PLXNA1: variants seen among roughly 807,000 people sequenced by gnomAD.
PLXNA1 encodes plexin A1.
Under a neutral mutation model 191.7 loss-of-function variants are expected in PLXNA1, and 77 were observed. The observed-to-expected ratio is 0.40, with a 90% CI of 0.33 to 0.49. The LOEUF (loss-of-function observed/expected upper bound fraction) is 0.49, where lower values mean the gene tolerates loss of function less well. Ranked by LOEUF, PLXNA1 falls within the 20% of genes least tolerant of loss-of-function variation. PLXNA1 has a pLI of 0.63. For synonymous variants in PLXNA1, 1,137 were observed against 1,156.4 expected, an observed-to-expected ratio of 0.98 and a Z score of 0.34; for missense variants, 2,110 against 2,660.2, an observed-to-expected ratio of 0.79 and a Z score of 4.55.
At position 127,016,612 on chromosome 3, in the gene PLXNA1, A is replaced by G. The variant is rs199506043; in HGVS notation, c.3110A>G (p.Asn1037Ser). Residue 1037 changes from asparagine (N) to serine (S), a missense_variant, in exon 16 of 32, where the codon AAC (asparagine) becomes AGC (serine). Asn to Ser is a conservative substitution (Grantham distance 46, BLOSUM62 1). Around this residue, in one of 4 missense-constraint regions of PLXNA1, gnomAD observed 644 missense variants for 714.3 expected, o/e 0.90. Transcript: ENST00000393409. Reference sequence around the variant, plus strand: ...AACATCAACCGCGCCCAGCTCACCAACCCTGAGGTGAAGTACAACTACACC... The same window carrying G: ...AACATCAACCGCGCCCAGCTCACCAGCCCTGAGGTGAAGTACAACTACACC... ...IININRAQLT[N>S]PEVKYNYTED... is the part of the protein sequence containing the mutation. 2.6e-5 allele frequency: 42 copies of G among 1,613,942 alleles called. No individual in the cohort carries two copies. The highest frequency in any genetic ancestry group is 1.7e-4 in the Middle Eastern group (1 of 6,058).
chr3:126,997,968 C>T (rs536452209), intron 3 of PLXNA1, among the ~76,000 whole-genome samples: 5 of 152,330 alleles, frequency 3.3e-5, no homozygotes, highest in Middle Eastern at 3.4e-3. Flanking sequence ...ACCGGGCAGT[C>T]GCCTTCCCCC....
In PLXNA1 at chr3:127,035,341, G is replaced by C. The variant is rs2079235754; in HGVS notation, c.*1324G>C. On this transcript the variant is annotated 3_prime_UTR_variant, in exon 32 of 32. Transcript: ENST00000393409. Reference sequence around the variant, plus strand: ...AGACGATTTGAACAAGAAAATGAAGGCAGTGGGAAAGCAATGCCAAATGGT... The same window carrying C: ...AGACGATTTGAACAAGAAAATGAAGCCAGTGGGAAAGCAATGCCAAATGGT... 1 of 152,218 alleles carries C rather than the reference G, an allele frequency of 6.6e-6. No homozygotes were observed. Among genetic ancestry groups the C allele is most frequent in the Non-Finnish European group, 1.5e-5 (1 of 68,048 alleles). The allele number at this position is 152,218 out of a possible 1,614,324, so 9.4% of individuals were successfully genotyped here.
At chr3:126,996,989 T>C (rs902988958) in intron 3 of PLXNA1, among the ~76,000 whole-genome samples, 4 of 152,166 alleles carry the variant, frequency 2.6e-5, no homozygotes, top group Non-Finnish European at 5.9e-5. Context: ...CGGCAGCCCC[T>C]CCTGGTCCTT....
intron 10 of PLXNA1, among the ~76,000 whole-genome samples, chr3:127,013,547 G>T (rs912546898): frequency 9.2e-5 from 14 of 152,240 alleles, no homozygotes; most frequent in African/African-American, 3.4e-4. Flanking sequence ...GGGACGGGGA[G>T]CAGAGCTGCA....
chr3:127,000,421 C>T (rs1049248550), intron 3 of PLXNA1, among the ~76,000 whole-genome samples: 12 of 152,280 alleles, frequency 7.9e-5, no homozygotes, highest in African/African-American at 2.6e-4. Flanking sequence ...GTGTGGGCGT[C>T]GGCACGTGGG....
Position 127,014,381 on chromosome 3 carries a change from G to C in PLXNA1, c.2604+6G>C, listed in dbSNP as rs1229709966. On this transcript the variant is annotated splice_donor_region_variant and intron_variant, in intron 12 of 31. Transcript: ENST00000393409. The stretch of plus-strand genomic sequence containing the variant: ...CCGACCCCAAGATCCTCAAGGTAGG[G>C]CCCCCAGCCCTGCCCCCACACCCCA... The C allele has an allele frequency of 1.9e-6, 3 of 1,584,560 alleles. No individual in the cohort carries two copies. Among genetic ancestry groups the C allele is most frequent in the Non-Finnish European group, 2.6e-6 (3 of 1,172,208 alleles).
At chr3:127,007,559 T>G (rs2079074942) in intron 8 of PLXNA1, among the ~76,000 whole-genome samples, 1 of 150,832 alleles carries the variant, frequency 6.6e-6, no homozygotes, top group Non-Finnish European at 1.5e-5. Flanking sequence ...GGGTCAGGAG[T>G]GTGGGCAGGC....
At chr3:127,029,852 C>T (rs1319422256) in intron 27 of PLXNA1, 22 bp from the exon 28 acceptor site, 13 of 1,578,472 alleles carry the variant, frequency 8.2e-6, no homozygotes, top group East Asian at 6.9e-5. Flanking sequence ...CCAACGCGGG[C>T]GCTGACAGCC....
At chr3:127,004,839 C>G (rs371254169) in intron 5 of PLXNA1, 46 bp from the exon 6 acceptor site, 3 of 1,565,758 alleles carry the variant, frequency 1.9e-6, no homozygotes, top group Non-Finnish European at 2.6e-6. Flanking sequence ...GCAGGCGGGC[C>G]CCGTAGGTCT....
chr3:127,018,265 G>T, intron 19 of PLXNA1, 29 bp from the exon 20 acceptor site: 1 of 1,548,704 alleles, frequency 6.5e-7, no homozygotes, highest in Admixed American at 1.8e-5. Flanking sequence ...AGCATGGGAA[G>T]CTCCTGAGTG....
intron 29 of PLXNA1, 37 bp downstream of exon 29, chr3:127,030,449 G>C (rs1441439875): frequency 6.2e-7 from 1 of 1,607,830 alleles, no homozygotes; most frequent in Non-Finnish European, 8.5e-7. Flanking sequence ...CATCCCCCAG[G>C]GCCAGGCCAG....
rs776337362 is a variant in PLXNA1, at chr3:127,022,132, G to A, written c.4086G>A (p.Leu1362=). Residue 1362 remains leucine, a synonymous_variant, in exon 22 of 32, where the codon CTG becomes CTA. Coordinates refer to ENST00000393409, the MANE Select transcript of PLXNA1 (RefSeq NM_032242.4). ...EKSLTLFGQL[L]TKKHFLLTFI... The stretch of plus-strand genomic sequence containing the variant: ...CGCTGACACTGTTCGGGCAGCTGCT[G>A]ACCAAGAAGCACTTCCTGCTGACCT... 1.2e-6 allele frequency: 2 copies of A among 1,613,268 alleles called. No individual in the cohort carries two copies. The highest frequency in any genetic ancestry group is 3.3e-5 in the Admixed American group (2 of 60,030).
rs145298497 is a variant in PLXNA1 at position 127,005,136 on chromosome 3, A to G, written c.1790A>G (p.Asn597Ser). ...GTGCCTGACCTCTCAGCTGGCGTCA[A>G]CTGCTCCTTCGAGGACTTCACGGAA... The part of the protein sequence containing the change: ...WNVPDLSAGV[N>S]CSFEDFTESE... The change falls in exon 7 of 32, where the codon AAC becomes AGC. Residue 597 changes from asparagine to serine, a missense_variant. Asn to Ser is a conservative substitution (Grantham distance 46, BLOSUM62 1). Transcript: ENST00000393409. The G allele has an allele frequency of 1.7e-5, 27 of 1,612,728 alleles. No individual in the cohort carries two copies. The highest frequency in any genetic ancestry group is 1.5e-4 in the African/African-American group (11 of 75,050).
At chr3:127,007,161 C>A (rs2079073454) in intron 8 of PLXNA1, among the ~76,000 whole-genome samples, 1 of 152,224 alleles carries the variant, frequency 6.6e-6, no homozygotes, top group African/African-American at 2.4e-5. Flanking sequence ...GCTGGCGGGT[C>A]AGGAGATCCT....
intron 3 of PLXNA1, 77 bp from the exon 4 acceptor site, chr3:127,003,253 C>T: frequency 6.8e-7 from 1 of 1,479,442 alleles, no homozygotes; most frequent in Non-Finnish European, 9.0e-7. Context: ...GCTTTAGACC[C>T]CTGACCTTCT....
rs773016553 is a variant in PLXNA1, at chr3:127,030,314, G to A, written c.5133G>A (p.Leu1711=). The A allele has an allele frequency of 3.7e-6, 6 of 1,614,004 alleles. No individual in the cohort carries two copies. The highest frequency in any genetic ancestry group is 5.1e-6 in the Non-Finnish European group (6 of 1,180,020). ...IFSTAHRGSA[L]PLAIKYMFDF... Reference sequence around the variant, plus strand: ...GCACGGCACACCGGGGCTCAGCCCTGCCGCTGGCCATCAAGTACATGTTCG... The same window carrying A: ...GCACGGCACACCGGGGCTCAGCCCTACCGCTGGCCATCAAGTACATGTTCG... The change falls in exon 29 of 32, where the codon CTG becomes CTA. Residue 1711 remains leucine (L), a synonymous_variant. Transcript: ENST00000393409.
At chr3:127,001,396 G>T (rs2079039251) in intron 3 of PLXNA1, among the ~76,000 whole-genome samples, 1 of 152,184 alleles carries the variant, frequency 6.6e-6, no homozygotes, top group East Asian at 1.9e-4. Context: ...GCCGGGCCAG[G>T]GTCCATCAGC....
chr3:127,026,974 C>T (rs2079179481), intron 23 of PLXNA1: 1 of 154,290 alleles, frequency 6.5e-6, no homozygotes, highest in Non-Finnish European at 1.4e-5. Context: ...CAGGCTCAGC[C>T]AGTGCTAGCA....
chr3:127,005,684 G>A (rs529696509), intron 7 of PLXNA1, among the ~76,000 whole-genome samples: 37 of 152,142 alleles, frequency 2.4e-4, no homozygotes, highest in East Asian at 5.8e-4. Flanking sequence ...GGGGTCTTGC[G>A]GGGGGCTGCA....
Sources: gnomAD v4.1 joint callset for allele counts (sites outside exome capture counted in the v4.1 genomes callset) on GRCh38, gnomAD v4.1.1 for gene constraint, gnomAD v4.1.1 regional missense constraint, MANE v1.5 for transcripts, NCBI Gene and HGNC (gene_info 2026-07-23, HGNC 2026-07-21) for gene names.